Variants in GORASP2 observed in about 807,000 individuals in gnomAD.
GORASP2 encodes the protein Golgi reassembly-stacking protein 2.
Under a neutral mutation model 45.7 loss-of-function variants are expected in GORASP2, and 22 were observed. That is an observed-to-expected ratio of 0.48 (90% CI 0.34 to 0.69). The LOEUF is 0.69. Ranked by LOEUF, GORASP2 falls within the 30% of genes least tolerant of loss-of-function variation. The pLI, the probability that GORASP2 is intolerant of heterozygous loss-of-function variation, is 0.01. For synonymous variants in GORASP2, 221 were observed against 215.6 expected (o/e 1.02, Z -0.22); for missense variants, 491 against 562.7 (o/e 0.87, Z 1.29).
At chr2:170,929,448 G>T in intron 1 of GORASP2, 45 bp downstream of exon 1, 1 of 1,311,382 alleles carries the variant, frequency 7.6e-7, no homozygotes, top group Non-Finnish European at 9.8e-7. Flanking sequence ...CTGGAGGCGG[G>T]GCCGGCCGCG....
chr2:170,957,545 G>A (rs1389805869), intron 7 of GORASP2, among the ~76,000 whole-genome samples: 3 of 152,046 alleles, frequency 2.0e-5, no homozygotes, highest in African/African-American at 7.2e-5. Context: ...CAAAGTGCTG[G>A]GATTATAGGC....
At chr2:170,937,058 A>G (rs12996518) in intron 1 of GORASP2, among the ~76,000 whole-genome samples, 31,657 of 151,882 alleles carry the variant, frequency 0.21, 3,933 homozygotes, top group Non-Finnish European at 0.29. Context: ...AAATACAAGA[A>G]TTAGACCGGC....
At position 170,961,702 on chromosome 2, in the gene GORASP2, A is replaced by G; in HGVS notation, c.863A>G (p.Gln288Arg). The G allele has an allele frequency of 6.2e-7, 1 of 1,600,954 alleles. No individual in the cohort carries two copies. The highest frequency in any genetic ancestry group is 8.6e-7 in the Non-Finnish European group (1 of 1,167,902). Residue 288 changes from glutamine (Q) to arginine (R), a missense_variant, in exon 8 of 10, where the codon CAG (glutamine) becomes CGG (arginine). This residue lies in a region of GORASP2 where 297 missense variants were observed against 292.3 expected (regional missense o/e 1.02). Coordinates refer to ENST00000234160, the MANE Select transcript of GORASP2 (RefSeq NM_015530.5). ...TVPLLPPQVN[Q>R]SLTSVPPMNP... Reference sequence around the variant, plus strand: ...CCGTTATTGCCACCACAAGTAAACCAGTCCCTCACTTCTGTGCCACCAATG... The same window carrying G: ...CCGTTATTGCCACCACAAGTAAACCGGTCCCTCACTTCTGTGCCACCAATG...
intron 1 of GORASP2, among the ~76,000 whole-genome samples, chr2:170,943,317 T>C (rs1704117541): frequency 6.6e-6 from 1 of 152,220 alleles, no homozygotes; most frequent in Admixed American, 6.5e-5. Flanking sequence ...GTAAAAGGTA[T>C]TTAATATGGT....
intron 5 of GORASP2, among the ~76,000 whole-genome samples, chr2:170,952,871 T>C (rs567924084): frequency 6.6e-5 from 10 of 152,332 alleles, no homozygotes; most frequent in Admixed American, 5.9e-4. Context: ...AGATGGGGCC[T>C]TGCTTTGTTT....
rs182840070 is a variant in GORASP2 at position 170,965,486 on chromosome 2, G to T, written c.1019-304G>T. 2.8e-3 allele frequency among the ~76,000 whole-genome samples: 424 copies of T among 152,232 alleles called. 3 individuals carry two copies. The highest frequency in any genetic ancestry group is 4.8e-3 in the Non-Finnish European group (324 of 68,034). On this transcript the variant is annotated intron_variant, in intron 9 of 9. Coordinates refer to ENST00000234160, the MANE Select transcript of GORASP2 (RefSeq NM_015530.5). Reference sequence around the variant, plus strand: ...GTGTAGCTGTGTCACCTGCTGGGTGGGCTGCTATCTCTTCTGACTGGAAGG... The same window carrying T: ...GTGTAGCTGTGTCACCTGCTGGGTGTGCTGCTATCTCTTCTGACTGGAAGG...
intron 2 of GORASP2, 101 bp from the exon 3 acceptor site, chr2:170,949,434 TTTTA>T (rs1409111885): frequency 2.7e-6 from 2 of 728,478 alleles, no homozygotes; most frequent in African/African-American, 1.8e-5. Context: ...TTGTTGAATG[TTTTA>T]TTTATGTTGA....
intron 1 of GORASP2, among the ~76,000 whole-genome samples, chr2:170,934,660 A>C (rs200110984): frequency 2.0e-5 from 3 of 152,188 alleles, no homozygotes; most frequent in Non-Finnish European, 4.4e-5. Context: ...ATTGTTTTCT[A>C]TATATAAAGT....
intron 1 of GORASP2, among the ~76,000 whole-genome samples, chr2:170,933,987 A>AG (rs1703885790): frequency 3.4e-5 from 1 of 29,716 alleles, no homozygotes; most frequent in Non-Finnish European, 9.6e-5. Flanking sequence ...AATTACTTCT[A>AG]TAGAAAATGC....
At chr2:170,934,352 G>A (rs182252597) in intron 1 of GORASP2, among the ~76,000 whole-genome samples, 5 of 151,180 alleles carry the variant, frequency 3.3e-5, no homozygotes, top group African/African-American at 1.2e-4. Context: ...TCGGCTCACT[G>A]CAACCTCCCG....
intron 7 of GORASP2, among the ~76,000 whole-genome samples, 190 bp from the exon 8 acceptor site, chr2:170,961,473 G>C (rs1172100809): frequency 6.6e-6 from 1 of 152,220 alleles, no homozygotes; most frequent in African/African-American, 2.4e-5. Context: ...AACAGCCTTT[G>C]TTGAGAGCTG....
rs1553595033 is a variant in GORASP2 at position 170,930,988 on chromosome 2, A to AAC, written c.63+1586_63+1587insCA. Among the ~76,000 whole-genome samples, 1,359 of 146,964 alleles carry AAC rather than the reference A, an allele frequency of 9.2e-3. 29 individuals carry two copies. The highest frequency in any genetic ancestry group is 0.045 in the South Asian group (210 of 4,640). On this transcript the variant is annotated intron_variant, in intron 1 of 9. Coordinates refer to ENST00000234160, the MANE Select transcript of GORASP2 (RefSeq NM_015530.5). ...TGTTAATAAGCAAAAAAAAAAAAAA[A>AAC]AAGTCGCGTGTTTGAAAGAAAGCCA...
chr2:170,948,233 C>T (rs570979915), intron 1 of GORASP2, 117 bp from the exon 2 acceptor site: 18 of 690,940 alleles, frequency 2.6e-5, no homozygotes, highest in South Asian at 6.5e-5. Flanking sequence ...AGAGAACTAG[C>T]GTGTACTGTA....
In GORASP2 at chr2:170,929,419, G is replaced by A; in HGVS notation, c.63+16G>A. On this transcript the variant is annotated intron_variant, in intron 1 of 9. Coordinates refer to ENST00000234160, the MANE Select transcript of GORASP2 (RefSeq NM_015530.5). ...CGTTCTGCGGGTAAGGGCTCCGACG[G>A]CGGCCGGGGAGCTGCGGGCTGGAGG... is the stretch of plus-strand genomic sequence containing the variant. 3 of 1,371,058 alleles carry A rather than the reference G, an allele frequency of 2.2e-6. No homozygotes were observed. The highest frequency in any genetic ancestry group is 3.0e-5 in the East Asian group (1 of 33,814). The allele number at this position is 1,371,058 out of a possible 1,614,324, so 84.9% of individuals were successfully genotyped here. A position where few individuals can be genotyped will look rare whatever the true frequency, so the allele number is the denominator to read the frequency against.
rs1244951519 is a variant in GORASP2 at position 170,956,223 on chromosome 2, G to C, written c.700-213G>C. ...GTAGAAGCCATGTGTCTCAAGACTA[G>C]AAGTGACAGGAGAGAGAGATGCTTA... On this transcript the variant is annotated intron_variant, in intron 6 of 9. Transcript: ENST00000234160. 2.0e-5 allele frequency among the ~76,000 whole-genome samples: 3 copies of C among 152,202 alleles called. No homozygotes were observed. The East Asian group carries it at 5.8e-4, about 29-fold the overall frequency.
At chr2:170,942,475 A>T (rs1327871486) in intron 1 of GORASP2, among the ~76,000 whole-genome samples, 1 of 152,184 alleles carries the variant, frequency 6.6e-6, no homozygotes, top group Non-Finnish European at 1.5e-5. Flanking sequence ...TGAATCAAAC[A>T]ATATGTGGTC....
chr2:170,936,531 C>T (rs182637718), intron 1 of GORASP2: 31 of 704,402 alleles, frequency 4.4e-5, no homozygotes, highest in African/African-American at 4.2e-4. Flanking sequence ...TAAGTAGTTA[C>T]TTTGAGAGAC....
chr2:170,932,880 G>C (rs1372711229), intron 1 of GORASP2, among the ~76,000 whole-genome samples: 1 of 152,182 alleles, frequency 6.6e-6, no homozygotes, highest in Non-Finnish European at 1.5e-5. Flanking sequence ...CTGAGAAATT[G>C]TTAAACAAAT....
chr2:170,936,378 C>T (rs1282718962), intron 1 of GORASP2, among the ~76,000 whole-genome samples: 1 of 151,798 alleles, frequency 6.6e-6, no homozygotes, highest in Admixed American at 6.6e-5. Context: ...TATGCTGCCA[C>T]GTCTAGCCAA....
Sources: allele counts gnomAD v4.1 joint callset (sites outside exome capture counted in the v4.1 genomes callset), GRCh38; gene constraint gnomAD v4.1.1; regional missense constraint gnomAD v4.1.1; transcripts MANE v1.5; gene names NCBI Gene and HGNC (gene_info 2026-07-23, HGNC 2026-07-21).